Variants in RBFOX1 observed in about 807,000 individuals in gnomAD.
RBFOX1 encodes RNA binding fox-1 homolog 1.
In RBFOX1, 8 loss-of-function variants were observed where a neutral mutation model predicts 57.7. The observed-to-expected ratio is 0.14, with a 90% confidence interval of 0.08 to 0.25. The LOEUF (loss-of-function observed/expected upper bound fraction) is 0.25. RBFOX1 is among the 10% of genes least tolerant of loss of function. The pLI is 1.00. For missense variants in RBFOX1, 611 were observed against 548.5 expected (o/e 1.11, Z -1.14); for synonymous variants, 326 against 222.4 (o/e 1.47, Z -4.15).
intron 4 of RBFOX1, among the ~76,000 whole-genome samples, chr16:7,294,488 C>T (rs1405270279): frequency 6.7e-6 from 1 of 149,354 alleles, no homozygotes; most frequent in African/African-American, 2.5e-5. Flanking sequence ...TAAATTGTCA[C>T]TTTTGCCAGA....
intron 4 of RBFOX1, among the ~76,000 whole-genome samples, chr16:7,113,355 T>C (rs998543420): frequency 1.3e-5 from 2 of 152,170 alleles, no homozygotes; most frequent in Admixed American, 6.5e-5. Flanking sequence ...AACACTGTTT[T>C]TAAGTCTTTC....
intron 3 of RBFOX1, among the ~76,000 whole-genome samples, chr16:5,866,286 T>G (rs1031093334): frequency 6.6e-6 from 1 of 152,216 alleles, no homozygotes; most frequent in Non-Finnish European, 1.5e-5. Context: ...TCTTCTTTGA[T>G]GGGCACTAAT....
intron 4 of RBFOX1, among the ~76,000 whole-genome samples, chr16:7,304,910 GGTGTGGTGTGTGT>G (rs1467059016): frequency 3.8e-4 from 48 of 126,020 alleles, no homozygotes; most frequent in Admixed American, 3.7e-3. Context: ...TGTGGTGTGT[GGTGTGGTGTGTGT>G]GTGTGTGTGT....
At chr16:7,555,408 C>G (rs1463300575) in intron 5 of RBFOX1, among the ~76,000 whole-genome samples, 3 of 152,120 alleles carry the variant, frequency 2.0e-5, no homozygotes, top group African/African-American at 4.8e-5. Context: ...CTTCCTCGTT[C>G]TGATAAATGC....
intron 2 of RBFOX1, among the ~76,000 whole-genome samples, chr16:6,635,582 A>G (rs1268364653): frequency 6.6e-6 from 1 of 152,152 alleles, no homozygotes; most frequent in Non-Finnish European, 1.5e-5. Context: ...AAAAAGGTTG[A>G]CAGGGAGCAT....
chr16:6,669,767 A>G lies in RBFOX1; in HGVS notation c.-16+15117A>G, dbSNP rs568425944. On this transcript the variant is annotated intron_variant, in intron 3 of 15. Transcript: ENST00000550418. ...TTGGAGGACAGAACCTTCAGAATAG[A>G]AAAGGTCCTAAGCTTAAGGACTTCT... Among the ~76,000 whole-genome samples the G allele has an allele frequency of 3.3e-5, 5 of 152,310 alleles. No homozygotes were observed. The South Asian group carries it at 1.0e-3, about 32-fold the overall frequency.
chr16:6,801,820 C>T (rs768936818), intron 3 of RBFOX1, among the ~76,000 whole-genome samples: 1 of 152,052 alleles, frequency 6.6e-6, no homozygotes, highest in Non-Finnish European at 1.5e-5. Context: ...GATTATATAC[C>T]TTCTAAGTTG....
At chr16:5,902,871 G>T (rs1197667293) in intron 4 of RBFOX1, among the ~76,000 whole-genome samples, 1 of 152,106 alleles carries the variant, frequency 6.6e-6, no homozygotes, top group African/African-American at 2.4e-5. Flanking sequence ...AGGATCTGCT[G>T]CTCACCTCCA....
At chr16:7,062,910 T>A (rs1162311329) in intron 4 of RBFOX1, among the ~76,000 whole-genome samples, 2 of 141,308 alleles carry the variant, frequency 1.4e-5, no homozygotes, top group African/African-American at 5.2e-5. Flanking sequence ...TTTTTTTTTT[T>A]TTTTTTTTTT....
At chr16:6,384,346 A>C (rs989848515) in intron 2 of RBFOX1, among the ~76,000 whole-genome samples, 3 of 152,188 alleles carry the variant, frequency 2.0e-5, no homozygotes, top group Non-Finnish European at 4.4e-5. Context: ...CAAATATTGC[A>C]GTAAAATTGC....
chr16:5,906,727 CTTTTTTTTTTTTTT>C (rs57589514), intron 4 of RBFOX1, among the ~76,000 whole-genome samples: 5 of 71,490 alleles, frequency 7.0e-5, no homozygotes, highest in African/African-American at 2.2e-4. Flanking sequence ...ATCCTAGATT[CTTTTTTTTTTTTTT>C]TTTTTTTTTT....
At chr16:7,050,058 T>G (rs1306831883) in intron 3 of RBFOX1, among the ~76,000 whole-genome samples, 2 of 152,094 alleles carry the variant, frequency 1.3e-5, no homozygotes, top group Admixed American at 6.6e-5. Flanking sequence ...GTTCTCTGTC[T>G]CAATGAATTT....
chr16:7,190,717 G>A (rs9929576), intron 4 of RBFOX1, among the ~76,000 whole-genome samples: 3 of 146,652 alleles, frequency 2.0e-5, no homozygotes, highest in African/African-American at 7.5e-5. Flanking sequence ...GATCCACTGT[G>A]TTCTCCTGGC....
intron 1 of RBFOX1, among the ~76,000 whole-genome samples, chr16:5,262,923 G>A (rs1269385389): frequency 6.6e-6 from 1 of 152,172 alleles, no homozygotes; most frequent in Admixed American, 6.5e-5. Context: ...GGGATGCACT[G>A]GGGACATGGG....
chr16:5,339,522 A>G (rs1267517092), intron 1 of RBFOX1, among the ~76,000 whole-genome samples: 1 of 101,014 alleles, frequency 9.9e-6, no homozygotes, highest in African/African-American at 3.8e-5. Flanking sequence ...TTGCTGGGTC[A>G]CTCAGGCCGG....
At chr16:7,426,941 A>C (rs991248737) in intron 4 of RBFOX1, among the ~76,000 whole-genome samples, 1 of 152,238 alleles carries the variant, frequency 6.6e-6, no homozygotes, top group Non-Finnish European at 1.5e-5. Context: ...GCCATAAAAA[A>C]GGATGAGTTC....
intron 2 of RBFOX1, among the ~76,000 whole-genome samples, chr16:6,484,271 T>C (rs1485158098): frequency 6.6e-6 from 1 of 152,218 alleles, no homozygotes; most frequent in Non-Finnish European, 1.5e-5. Context: ...GAAGTTGGCA[T>C]GCTCACGTTG....
chr16:5,971,635 T>G (rs2059963533), intron 4 of RBFOX1, among the ~76,000 whole-genome samples: 2 of 152,142 alleles, frequency 1.3e-5, no homozygotes, highest in Admixed American at 1.3e-4. Context: ...AGAGTTCCCT[T>G]AGCAGTAAAA....
At chr16:6,088,198 C>G (rs1788642642) in intron 1 of RBFOX1, among the ~76,000 whole-genome samples, 1 of 151,760 alleles carries the variant, frequency 6.6e-6, no homozygotes, top group Non-Finnish European at 1.5e-5. Flanking sequence ...TTTTTTCTTT[C>G]ATTTTTTTTT....
Sources: gnomAD v4.1 joint callset for allele counts (sites outside exome capture counted in the v4.1 genomes callset) on GRCh38, gnomAD v4.1.1 for gene constraint, MANE v1.5 for transcripts, NCBI Gene and HGNC (gene_info 2026-07-23, HGNC 2026-07-21) for gene names.